Variants in THADA observed in about 807,000 individuals in gnomAD.
THADA encodes THADA armadillo repeat containing.
In THADA, 213 loss-of-function variants were observed where a neutral mutation model predicts 219.8. The observed-to-expected ratio is 0.97, with a 90% confidence interval of 0.87 to 1.09. The LOEUF is 1.09. Ranked by LOEUF, THADA falls within the 50% of genes least tolerant of loss-of-function variation. The pLI is 0.00. For missense variants in THADA, 2,956 were observed against 2,311.3 expected, an observed-to-expected ratio of 1.28 and a Z score of -5.72; for synonymous variants, 1,018 against 828.9, an observed-to-expected ratio of 1.23 and a Z score of -3.92.
At chr2:43,475,282 G>A (rs1396507592) in intron 26 of THADA, among the ~76,000 whole-genome samples, 1 of 152,006 alleles carries the variant, frequency 6.6e-6, no homozygotes, top group Non-Finnish European at 1.5e-5. Flanking sequence ...CAGGCATGGT[G>A]TCACGCACGT....
intron 13 of THADA, among the ~76,000 whole-genome samples, chr2:43,570,912 G>T (rs1699221033): frequency 1.3e-5 from 2 of 152,140 alleles, no homozygotes; most frequent in Non-Finnish European, 2.9e-5. Context: ...TCCAGCATTA[G>T]ACTTTTTCTT....
chr2:43,268,287 C>T (rs1671751850), intron 36 of THADA, among the ~76,000 whole-genome samples: 1 of 152,196 alleles, frequency 6.6e-6, no homozygotes, highest in African/African-American at 2.4e-5. Context: ...CCTCCTAACG[C>T]TCATACAGAC....
chr2:43,514,645 AATAT>A (rs1421539785), intron 22 of THADA, among the ~76,000 whole-genome samples: 1 of 97,298 alleles, frequency 1.0e-5, no homozygotes, highest in African/African-American at 4.5e-5. Flanking sequence ...TTTTATATAT[AATAT>A]ATATATTGTA....
At position 43,566,829 on chromosome 2, in the gene THADA, A is replaced by G; in HGVS notation, c.2188-8T>C. On this transcript the variant is annotated splice_polypyrimidine_tract_variant and splice_region_variant and intron_variant, in intron 14 of 37. Transcript: ENST00000405975. ...AATGGATGACATGAAATTCTTAAAA[A>G]AAAAAAAAAAATTACAGTAAGTATA... 6.9e-7 allele frequency: 1 copy of G among 1,440,916 alleles called. No individual in the cohort carries two copies. Among genetic ancestry groups the G allele is most frequent in the South Asian group, 1.6e-5 (1 of 63,974 alleles). 89.3% of individuals were successfully genotyped at this position (1,440,916 alleles called of 1,614,324 possible).
At chr2:43,256,132 TAGAA>T (rs1401335561) in intron 36 of THADA, among the ~76,000 whole-genome samples, 5 of 152,166 alleles carry the variant, frequency 3.3e-5, no homozygotes, top group African/African-American at 4.8e-5. Flanking sequence ...GAATCCAAGA[TAGAA>T]GGAATAAAAA....
intron 26 of THADA, among the ~76,000 whole-genome samples, chr2:43,457,289 T>C (rs918629806): frequency 6.6e-6 from 1 of 152,148 alleles, no homozygotes; most frequent in Non-Finnish European, 1.5e-5. Context: ...TTGGTTTTGA[T>C]GTGCCCATTC....
chr2:43,243,843 G>C (rs1038875905), intron 36 of THADA, among the ~76,000 whole-genome samples: 2 of 152,134 alleles, frequency 1.3e-5, no homozygotes, highest in Admixed American at 6.5e-5. Context: ...AATGGCCTGG[G>C]TTCCCCAGAA....
chr2:43,540,731 C>A lies in THADA; in HGVS notation c.3264+428G>T, dbSNP rs377261295. 2.8e-4 allele frequency among the ~76,000 whole-genome samples: 42 copies of A among 152,246 alleles called. No individual in the cohort carries two copies. The East Asian group carries it at 6.6e-3, about 24-fold the overall frequency. On this transcript the variant is annotated intron_variant, in intron 21 of 37. Coordinates refer to ENST00000405975, the MANE Select transcript of THADA (RefSeq NM_022065.5). ...TTAAAACAAAAGTCAGCCAAAAAAA[C>A]CAAGACTACAACTTTATTATCAATG...
Position 43,577,029 on chromosome 2 carries a change from T to C in THADA, c.1030A>G (p.Ser344Gly). 2 of 1,612,392 alleles carry C rather than the reference T, an allele frequency of 1.2e-6. No homozygotes were observed. The highest frequency in any genetic ancestry group is 1.7e-6 in the Non-Finnish European group (2 of 1,179,234). ...LDTAHVLFTLSSQIKEPTLEM... is the reference protein window; with the variant it reads ...LDTAHVLFTLGSQIKEPTLEM... ...GATAGCATCAAAACTCACTGTGAAC[T>C]CAAGGTGAACAAAACATGTGCAGTA... is the stretch of plus-strand genomic sequence containing the variant. Residue 344 changes from serine to glycine, a missense_variant, in exon 10 of 38, where the codon AGT becomes GGT. Transcript: ENST00000405975.
At chr2:43,467,122 C>A (rs1210378270) in intron 26 of THADA, among the ~76,000 whole-genome samples, 4 of 126,240 alleles carry the variant, frequency 3.2e-5, no homozygotes, top group African/African-American at 1.2e-4. Flanking sequence ...GCGGAGCTTG[C>A]AGTGAGCCGA....
chr2:43,352,080 A>G (rs1297336579), intron 29 of THADA, among the ~76,000 whole-genome samples: 1 of 152,262 alleles, frequency 6.6e-6, no homozygotes, highest in Non-Finnish European at 1.5e-5. Flanking sequence ...TTTAGAACAC[A>G]GATACATTTC....
chr2:43,318,988 T>C (rs1055352282), intron 31 of THADA, among the ~76,000 whole-genome samples: 1 of 152,184 alleles, frequency 6.6e-6, no homozygotes, highest in Admixed American at 6.5e-5. Context: ...TAGTCAACCA[T>C]AAACTGCCAG....
intron 34 of THADA, among the ~76,000 whole-genome samples, chr2:43,291,454 CAAAAAAA>C (rs765352765): frequency 2.1e-3 from 17 of 8,092 alleles, no homozygotes; most frequent in South Asian, 6.7e-3. Context: ...AACTCCATCT[CAAAAAAA>C]AAAAAAAAAA....
chr2:43,248,160 TATATAGAGAGAGAGAGAGAGAGAGAGAG>T (rs1314221067), intron 36 of THADA, among the ~76,000 whole-genome samples: 62 of 52,786 alleles, frequency 1.2e-3, no homozygotes, highest in African/African-American at 6.1e-3. Flanking sequence ...TATATATATA[TATATAGAGAGAGAGAGAGAGAGAGAGAG>T]AGAGAGAGAG....
chr2:43,510,357 G>A (rs1690251283), intron 22 of THADA, among the ~76,000 whole-genome samples: 1 of 152,036 alleles, frequency 6.6e-6, no homozygotes, highest in Admixed American at 6.5e-5. Context: ...TTAAATATAT[G>A]TGATATACAT....
intron 36 of THADA, among the ~76,000 whole-genome samples, chr2:43,250,329 A>T (rs1317110538): frequency 6.6e-6 from 1 of 152,242 alleles, no homozygotes; most frequent in Non-Finnish European, 1.5e-5. Flanking sequence ...AAATCCATTT[A>T]TATGAAAAAA....
chr2:43,570,612 TAC>T, intron 13 of THADA, 102 bp from the exon 14 acceptor site: 1 of 1,218,314 alleles, frequency 8.2e-7, no homozygotes, highest in Non-Finnish European at 1.1e-6. Context: ...GCAAGAAGAG[TAC>T]AGATTTTTAA....
intron 35 of THADA, among the ~76,000 whole-genome samples, chr2:43,284,636 A>G (rs1673770098): frequency 6.6e-6 from 1 of 152,240 alleles, no homozygotes; most frequent in African/African-American, 2.4e-5. Flanking sequence ...ATGTGGGGTT[A>G]GAGCCCTCAC....
chr2:43,327,555 C>T (rs1679480359), intron 30 of THADA, among the ~76,000 whole-genome samples: 2 of 152,074 alleles, frequency 1.3e-5, no homozygotes, highest in South Asian at 4.1e-4. Context: ...TTTCCACATC[C>T]CATTATGATC....
Sources: allele counts gnomAD v4.1 joint callset (sites outside exome capture counted in the v4.1 genomes callset), GRCh38; gene constraint gnomAD v4.1.1; transcripts MANE v1.5; gene names NCBI Gene and HGNC (gene_info 2026-07-23, HGNC 2026-07-21).